HARS1: variants seen among roughly 807,000 people sequenced by gnomAD.
HARS1 encodes the protein histidyl-tRNA synthetase 1.
In HARS1, 45 loss-of-function variants were observed where a neutral mutation model predicts 63.6. The observed-to-expected ratio is 0.71, with a 90% CI of 0.56 to 0.91. The LOEUF (loss-of-function observed/expected upper bound fraction) is 0.91. HARS1 is among the 40% of genes least tolerant of loss of function. The pLI is 0.00. For missense variants in HARS1, 508 were observed against 643.2 expected (o/e 0.79, Z 2.27); for synonymous variants, 205 against 247.1 (o/e 0.83, Z 1.60).
Position 140,676,649 on chromosome 5 carries a change from C to T in HARS1, c.1194+5G>A. The T allele has an allele frequency of 6.2e-7, 1 of 1,613,972 alleles. No homozygotes were observed. The highest frequency in any genetic ancestry group is 8.5e-7 in the Non-Finnish European group (1 of 1,179,846). On this transcript the variant is annotated splice_donor_5th_base_variant and intron_variant, in intron 10 of 12. Transcript: ENST00000504156. This position sits in a 1 kb window ranked among gnomAD's most constrained non-coding sequence, Gnocchi z 4.1. ...ACTATCTTCTACCTACCTCCTAGGA[C>T]CTACCTCTAGTCTCTGTTCCACGAT...
At chr5:140,689,008 AC>A (rs1759212312) in intron 2 of HARS1, among the ~76,000 whole-genome samples, 1 of 152,248 alleles carries the variant, frequency 6.6e-6, no homozygotes, top group South Asian at 2.1e-4. Flanking sequence ...GTGAGGACAG[AC>A]TGATCCATCA....
chr5:140,689,019 A>G (rs940103253), intron 2 of HARS1, among the ~76,000 whole-genome samples: 4 of 152,268 alleles, frequency 2.6e-5, no homozygotes, highest in African/African-American at 9.6e-5. Flanking sequence ...CTGATCCATC[A>G]TAAATTCCAC....
intron 3 of HARS1, among the ~76,000 whole-genome samples, chr5:140,681,743 T>C (rs766322293): frequency 2.6e-5 from 4 of 152,120 alleles, no homozygotes; most frequent in Non-Finnish European, 4.4e-5. Context: ...TCCTTCCTTA[T>C]GGCCTTCAGA....
rs1267006302 is a variant in HARS1, at chr5:140,676,882, C to G, written c.966G>C (p.Leu322=). ...FGIDDKISFD[L]SLARGLDYYT... is the part of the protein sequence containing the mutation. ...AGTAATCCAGCCCTCGAGCAAGGCT[C>G]AGGTCAAAGGAGATCTGTGGAGATA... The change falls in exon 10 of 13, where the codon CTG becomes CTC. Residue 322 remains leucine (L), a synonymous_variant. Transcript: ENST00000504156. The surrounding 1 kb of genome is among the most constrained non-coding windows in gnomAD (Gnocchi z 4.1). The G allele has an allele frequency of 1.2e-6, 2 of 1,613,652 alleles. No homozygotes were observed. Among genetic ancestry groups the G allele is most frequent in the African/African-American group, 2.7e-5 (2 of 74,936 alleles).
At chr5:140,674,450 A>T in intron 12 of HARS1, 122 bp from the exon 13 acceptor site, 2 of 838,364 alleles carry the variant, frequency 2.4e-6, no homozygotes, top group Non-Finnish European at 4.0e-6. Flanking sequence ...GAACCTAATT[A>T]AACACCTCAG....
At chr5:140,687,554 C>A (rs1759111754) in intron 2 of HARS1, 1 of 151,778 alleles carries the variant, frequency 6.6e-6, no homozygotes, top group Admixed American at 6.6e-5. Flanking sequence ...TCCAAAGAAA[C>A]CCCAAAACAA....
intron 1 of HARS1, 27 bp from the exon 2 acceptor site, chr5:140,690,971 T>C (rs766586458): frequency 7.5e-7 from 1 of 1,325,398 alleles, no homozygotes; most frequent in Non-Finnish European, 1.1e-6. Context: ...GGCGCTGAGC[T>C]ATCCATCTGT....
In HARS1 at chr5:140,691,316, A is replaced by T; in HGVS notation, c.-12T>A. 6.3e-7 allele frequency: 1 copy of T among 1,594,658 alleles called. No homozygotes were observed. The highest frequency in any genetic ancestry group is 1.3e-5 in the African/African-American group (1 of 74,452). The stretch of plus-strand genomic sequence containing the variant: ...GCACGCTCTGCCATCCCGGCTGTCC[A>T]CTTGAGCCGCCTGCTGTCTCGACCT... On this transcript the variant is annotated 5_prime_UTR_variant, in exon 1 of 13. Transcript: ENST00000504156.
chr5:140,688,922 ACTT>A (rs1341233533), intron 2 of HARS1, among the ~76,000 whole-genome samples: 47 of 152,324 alleles, frequency 3.1e-4, no homozygotes, highest in Non-Finnish European at 5.9e-4. Flanking sequence ...GGTGCTGTGT[ACTT>A]CTTCTTGCAT....
chr5:140,678,957 G>A (rs758885536), intron 5 of HARS1, 45 bp downstream of exon 5: 3 of 1,602,758 alleles, frequency 1.9e-6, no homozygotes, highest in Admixed American at 1.7e-5. Flanking sequence ...TGGCTTGAGA[G>A]AGCCCCAAGT....
At position 140,679,373 on chromosome 5, in the gene HARS1, G is replaced by T. The variant is rs1335614247; in HGVS notation, c.397-246C>A. 2.4e-5 allele frequency: 11 copies of T among 451,864 alleles called. No homozygotes were observed. Among genetic ancestry groups the T allele is most frequent in the Middle Eastern group, 5.7e-4 (1 of 1,758 alleles). 28.0% of individuals were successfully genotyped at this position (451,864 alleles called of 1,614,324 possible). A position where few individuals can be genotyped will look rare whatever the true frequency, so the allele number is the denominator to read the frequency against. On this transcript the variant is annotated intron_variant, in intron 4 of 12. Transcript: ENST00000504156. This position sits in a 1 kb window ranked among gnomAD's most constrained non-coding sequence, Gnocchi z 4.3. ...ACTGGACTTTTTTGAGCATGGCAAG[G>T]GGCTGGGCAGGTTGGCCACAGACCA...
chr5:140,679,546 G>C lies in HARS1; in HGVS notation c.396+242C>G, dbSNP rs1056591639. 13 of 470,908 alleles carry C rather than the reference G, an allele frequency of 2.8e-5. No homozygotes were observed. The highest frequency in any genetic ancestry group is 4.8e-5 in the Non-Finnish European group (13 of 268,200). The allele number at this position is 470,908 out of a possible 1,614,324, so 29.2% of individuals were successfully genotyped here. On this transcript the variant is annotated intron_variant, in intron 4 of 12. Transcript: ENST00000504156. The surrounding 1 kb of genome is among the most constrained non-coding windows in gnomAD (Gnocchi z 4.3). ...GCAGGGGAGAGGTATTCTGGAGCCA[G>C]GGGATGACTGTAGAGTTGGAACTGG...
chr5:140,689,319 A>G (rs1278286003), intron 2 of HARS1, among the ~76,000 whole-genome samples: 1 of 152,252 alleles, frequency 6.6e-6, no homozygotes, highest in Non-Finnish European at 1.5e-5. Flanking sequence ...AGCCCTTGAC[A>G]TAAAATTATA....
rs1758593112 is a variant in HARS1, at chr5:140,679,526, G to A, written c.396+262C>T. 1.9e-5 allele frequency: 9 copies of A among 461,764 alleles called. No homozygotes were observed. The South Asian group carries it at 3.3e-4, about 17-fold the overall frequency. The allele number at this position is 461,764 out of a possible 1,614,324, so 28.6% of individuals were successfully genotyped here. Reference sequence around the variant, plus strand: ...AATTTTGTTCACTGGACAGGGCAGGGGAGAGGTATTCTGGAGCCAGGGGAT... The same window carrying A: ...AATTTTGTTCACTGGACAGGGCAGGAGAGAGGTATTCTGGAGCCAGGGGAT... On this transcript the variant is annotated intron_variant, in intron 4 of 12. Transcript: ENST00000504156. This position sits in a 1 kb window ranked among gnomAD's most constrained non-coding sequence, Gnocchi z 4.3.
rs35609344 is a variant in HARS1 at position 140,675,568 on chromosome 5, AT to A, written c.1195-436del. Reference sequence around the variant, plus strand: ...TCAGCTAATTTAAAAAAAAAAAAAAATTTTTTTTTTTAATCTGTAGAGACAG... The same window carrying A: ...TCAGCTAATTTAAAAAAAAAAAAAAATTTTTTTTTTAATCTGTAGAGACAG... On this transcript the variant is annotated intron_variant, in intron 10 of 12. Coordinates refer to ENST00000504156, the MANE Select transcript of HARS1 (RefSeq NM_002109.6). The A allele has an allele frequency of 4.8e-3, 538 of 112,208 alleles. 3 individuals carry two copies. Among genetic ancestry groups the A allele is most frequent in the African/African-American group, 0.019 (509 of 27,152 alleles). 7.0% of individuals were successfully genotyped at this position (112,208 alleles called of 1,614,324 possible).
At position 140,673,926 on chromosome 5, in the gene HARS1, T is replaced by A. The variant is rs886060018; in HGVS notation, c.*331A>T. ...AGACTCCGTGGTTGAGGCATTTTAT[T>A]GGACCTTTGGCAATTGGTGGTGGGG... On this transcript the variant is annotated 3_prime_UTR_variant, in exon 13 of 13. Transcript: ENST00000504156. The A allele has an allele frequency of 7.9e-5, 44 of 557,610 alleles. No homozygotes were observed. Among genetic ancestry groups the A allele is most frequent in the Non-Finnish European group, 1.3e-4 (42 of 311,722 alleles). The allele number at this position is 557,610 out of a possible 1,614,324, so 34.5% of individuals were successfully genotyped here.
At chr5:140,675,218 G>T in intron 10 of HARS1, 85 bp from the exon 11 acceptor site, 1 of 860,208 alleles carries the variant, frequency 1.2e-6, no homozygotes. Context: ...TTTGAGACCA[G>T]GCCCAACTCA....
chr5:140,684,663 C>A (rs1003626172), intron 2 of HARS1: 8 of 152,486 alleles, frequency 5.2e-5, no homozygotes, highest in African/African-American at 1.9e-4. Context: ...TACCCTACTC[C>A]AAAGTCTTTG....
At chr5:140,682,284 C>A (rs1758773371) in intron 3 of HARS1, among the ~76,000 whole-genome samples, 3 of 151,878 alleles carry the variant, frequency 2.0e-5, no homozygotes, top group Admixed American at 6.6e-5. Flanking sequence ...TGAAATAAAT[C>A]ATGCAAAGAG....
Sources: allele counts gnomAD v4.1 joint callset (sites outside exome capture counted in the v4.1 genomes callset), GRCh38; gene constraint gnomAD v4.1.1; non-coding constraint Gnocchi (gnomAD v3.1); transcripts MANE v1.5; gene names NCBI Gene and HGNC (gene_info 2026-07-23, HGNC 2026-07-21).